The following GARIN1A variants were observed in gnomAD, a reference collection of about 807,000 sequenced individuals.
The protein encoded by GARIN1A is golgi associated RAB2 interactor 1A.
At chr7:128,687,078 C>G in the GARIN1A span, 1 of 152,196 alleles carries the variant, frequency 6.6e-6, no homozygotes, top group Admixed American at 6.5e-5. Flanking sequence ...ATTGTATATA[C>G]TTTTGTTCTA....
At chr7:128,688,756 GT>G in the GARIN1A span, among the ~76,000 whole-genome samples, 2 of 59,432 alleles carry the variant, frequency 3.4e-5, no homozygotes, top group Non-Finnish European at 6.4e-5. Context: ...AATAATAACG[GT>G]CCCCCCTCCC....
chr7:128,708,687 A>G, the GARIN1A span, among the ~76,000 whole-genome samples: 37,214 of 152,140 alleles, frequency 0.24, 5,370 homozygotes, highest in East Asian at 0.61. Flanking sequence ...TTATCAGGCT[A>G]TCTCCAGATT....
chr7:128,700,248 A>AT, the GARIN1A span, among the ~76,000 whole-genome samples: 1 of 147,866 alleles, frequency 6.8e-6, no homozygotes, highest in Non-Finnish European at 1.5e-5. Flanking sequence ...TAGTACTGAC[A>AT]TTTAGTAAGG....
the GARIN1A span, among the ~76,000 whole-genome samples, chr7:128,682,488 CA>C: frequency 6.6e-6 from 1 of 152,176 alleles, no homozygotes; most frequent in South Asian, 2.1e-4. Flanking sequence ...TGCATGTGTG[CA>C]TATTGTCACT....
At chr7:128,676,575 ATT>A in the GARIN1A span, among the ~76,000 whole-genome samples, 10 of 152,046 alleles carry the variant, frequency 6.6e-5, no homozygotes, top group Admixed American at 6.6e-5. Flanking sequence ...AGTCCCTAAT[ATT>A]AGACATTTAG....
the GARIN1A span, among the ~76,000 whole-genome samples, chr7:128,705,721 A>G: frequency 1.5e-5 from 2 of 130,094 alleles, no homozygotes; most frequent in Non-Finnish European, 3.1e-5. Flanking sequence ...CTGGGGTGCA[A>G]TGGCATGATA....
the GARIN1A span, among the ~76,000 whole-genome samples, chr7:128,702,945 A>C: frequency 6.6e-6 from 1 of 152,264 alleles, no homozygotes; most frequent in African/African-American, 2.4e-5. Context: ...ATTAGCAGCC[A>C]TAAGGAGGGC....
At chr7:128,679,454 G>A in the GARIN1A span, among the ~76,000 whole-genome samples, 1 of 152,130 alleles carries the variant, frequency 6.6e-6, no homozygotes, top group Admixed American at 6.5e-5. Context: ...GCCTCCTAAA[G>A]TGCTGGGATT....
At chr7:128,702,259 A>T in the GARIN1A span, among the ~76,000 whole-genome samples, 1 of 152,254 alleles carries the variant, frequency 6.6e-6, no homozygotes, top group South Asian at 2.1e-4. Flanking sequence ...AAGATAAGAC[A>T]GAATCAATTT....
the GARIN1A span, among the ~76,000 whole-genome samples, chr7:128,676,159 C>G: frequency 6.9e-6 from 1 of 145,206 alleles, no homozygotes; most frequent in East Asian, 2.0e-4. Context: ...GCGCCTGCCA[C>G]CATGCCCAGC....
the GARIN1A span, chr7:128,675,823 G>A: frequency 6.2e-7 from 1 of 1,613,822 alleles, no homozygotes. Flanking sequence ...ACCACCTGGA[G>A]CACACCTGGT....
At chr7:128,675,937 CAAAAG>C in the GARIN1A span, 9 of 1,070,154 alleles carry the variant, frequency 8.4e-6, no homozygotes, top group East Asian at 2.5e-5. Flanking sequence ...GATTTTAGAT[CAAAAG>C]AAAAGATAGC....
the GARIN1A span, among the ~76,000 whole-genome samples, chr7:128,697,210 C>A: frequency 1.1e-4 from 17 of 152,180 alleles, no homozygotes; most frequent in Non-Finnish European, 5.9e-5. Context: ...AAAAGACAGG[C>A]GGCTCCTGCA....
At chr7:128,701,672 A>G in the GARIN1A span, among the ~76,000 whole-genome samples, 2 of 149,880 alleles carry the variant, frequency 1.3e-5, no homozygotes, top group Non-Finnish European at 3.0e-5. Flanking sequence ...AGGACAAAGC[A>G]GGTGACTAAA....
the GARIN1A span, among the ~76,000 whole-genome samples, chr7:128,708,528 T>C: frequency 1.3e-5 from 1 of 79,826 alleles, no homozygotes; most frequent in African/African-American, 4.4e-5. Flanking sequence ...AGGTTTTTCT[T>C]GAATTGTTTT....
chr7:128,677,963 G>T, the GARIN1A span: 6 of 506,682 alleles, frequency 1.2e-5, no homozygotes, highest in Non-Finnish European at 2.0e-5. Context: ...TAGTATGAAT[G>T]AATTAAAATT....
At chr7:128,672,418 C>G in the GARIN1A span, 12 of 1,608,732 alleles carry the variant, frequency 7.5e-6, no homozygotes, top group Non-Finnish European at 1.0e-5. Context: ...TCAGGGGCCT[C>G]CCACCTGAGG....
At chr7:128,694,552 AG>A in the GARIN1A span, among the ~76,000 whole-genome samples, 14 of 151,970 alleles carry the variant, frequency 9.2e-5, no homozygotes, top group Non-Finnish European at 2.1e-4. Context: ...AAAGAAAGAA[AG>A]AAAGAAAAAA....
At chr7:128,698,607 T>C in the GARIN1A span, among the ~76,000 whole-genome samples, 1 of 152,162 alleles carries the variant, frequency 6.6e-6, no homozygotes, top group Non-Finnish European at 1.5e-5. Context: ...TTGATTTTAT[T>C]TATTTATTTA....
Sources: gnomAD v4.1 joint callset for allele counts (sites outside exome capture counted in the v4.1 genomes callset) on GRCh38, gnomAD v4.1.1 for gene constraint, MANE v1.5 for transcripts, NCBI Gene and HGNC (gene_info 2026-07-23, HGNC 2026-07-21) for gene names.